The following JAM3 variants were observed in gnomAD, a reference collection of about 807,000 sequenced individuals.
JAM3 encodes the protein junctional adhesion molecule C.
A neutral mutation model predicts 39.4 loss-of-function variants in JAM3; 31 were observed. The ratio of observed to expected loss-of-function variants is 0.79; its 90% CI spans 0.59 to 1.06. The LOEUF is 1.06. JAM3 is among the 50% of genes least tolerant of loss of function. The pLI, the probability that JAM3 is intolerant of heterozygous loss-of-function variation, is 0.00. For synonymous variants in JAM3, 182 were observed against 148.7 expected, an observed-to-expected ratio of 1.22 and a Z score of -1.63; for missense variants, 455 against 391.4, an observed-to-expected ratio of 1.16 and a Z score of -1.37.
intron 1 of JAM3, among the ~76,000 whole-genome samples, chr11:134,103,751 T>C (rs1190257484): frequency 3.9e-5 from 6 of 151,996 alleles, no homozygotes; most frequent in Non-Finnish European, 7.4e-5. Context: ...CCAACAAAGA[T>C]GAAAAGAGAC....
chr11:134,096,551 C>T (rs983280477), intron 1 of JAM3, among the ~76,000 whole-genome samples: 11 of 152,212 alleles, frequency 7.2e-5, no homozygotes, highest in African/African-American at 2.2e-4. Flanking sequence ...AATCCAGGGG[C>T]CAGTTGTTTG....
At chr11:134,110,921 T>A (rs1363130398) in intron 1 of JAM3, among the ~76,000 whole-genome samples, 1 of 151,994 alleles carries the variant, frequency 6.6e-6, no homozygotes, top group East Asian at 1.9e-4. Flanking sequence ...TGTGAATGAG[T>A]GATCTGGTGA....
At chr11:134,124,029 G>C (rs879223377) in intron 1 of JAM3, 1 of 1,448,390 alleles carries the variant, frequency 6.9e-7, no homozygotes, top group Admixed American at 1.7e-5. Flanking sequence ...CGCAACACAA[G>C]GCACTGCAAC....
chr11:134,084,387 TAAA>T (rs1941713712), intron 1 of JAM3, among the ~76,000 whole-genome samples: 1 of 152,226 alleles, frequency 6.6e-6, no homozygotes, highest in Non-Finnish European at 1.5e-5. Flanking sequence ...TCCTTATCTA[TAAA>T]AGAGTAGTAA....
intron 1 of JAM3, among the ~76,000 whole-genome samples, chr11:134,096,678 G>C (rs1460331335): frequency 6.6e-6 from 1 of 152,142 alleles, no homozygotes; most frequent in Non-Finnish European, 1.5e-5. Context: ...CTGCAAGCAA[G>C]GAATGGTTTT....
At chr11:134,097,587 G>A (rs75040822) in intron 1 of JAM3, among the ~76,000 whole-genome samples, 1,553 of 152,132 alleles carry the variant, frequency 0.01, 21 homozygotes, top group African/African-American at 0.035. Context: ...GTCAGCTCTC[G>A]GTTTTTTTCT....
chr11:134,119,603 A>G (rs7946580), intron 1 of JAM3, among the ~76,000 whole-genome samples: 7,197 of 152,210 alleles, frequency 0.047, 640 homozygotes, highest in African/African-American at 0.16. Context: ...GACCCAGGAG[A>G]GTCGACGATG....
chr11:134,102,365 T>C, intron 1 of JAM3, among the ~76,000 whole-genome samples: 1 of 152,128 alleles, frequency 6.6e-6, no homozygotes, highest in Non-Finnish European at 1.5e-5. Flanking sequence ...CCCATCTGTA[T>C]GTCACCATCA....
At chr11:134,096,957 CAT>C (rs66753786) in intron 1 of JAM3, among the ~76,000 whole-genome samples, 11,801 of 152,166 alleles carry the variant, frequency 0.078, 595 homozygotes, top group Admixed American at 0.11. Context: ...ATTTTGCTAA[CAT>C]GTGGCACTTT....
intron 1 of JAM3, among the ~76,000 whole-genome samples, chr11:134,124,814 G>T (rs1276662519): frequency 1.3e-5 from 2 of 152,232 alleles, no homozygotes; most frequent in East Asian, 3.8e-4. Flanking sequence ...AAGCTTGTCA[G>T]CGAAAACGCT....
chr11:134,134,114 A>C (rs1057033733), intron 1 of JAM3, among the ~76,000 whole-genome samples: 3 of 152,168 alleles, frequency 2.0e-5, no homozygotes, highest in Admixed American at 2.0e-4. Context: ...AACTAGCAGA[A>C]ACGAAAAATG....
chr11:134,087,114 G>GA (rs1941757537), intron 1 of JAM3, among the ~76,000 whole-genome samples: 1 of 151,934 alleles, frequency 6.6e-6, no homozygotes, highest in South Asian at 2.1e-4. Flanking sequence ...CAAGATTTTA[G>GA]TATTGTCTTT....
At chr11:134,087,640 C>G (rs1020910609) in intron 1 of JAM3, among the ~76,000 whole-genome samples, 6 of 152,168 alleles carry the variant, frequency 3.9e-5, no homozygotes, top group African/African-American at 1.2e-4. Context: ...AAAGAACTGT[C>G]TTAGAGGCCA....
intron 1 of JAM3, among the ~76,000 whole-genome samples, chr11:134,135,492 C>T (rs114307509): frequency 0.01 from 1,553 of 151,736 alleles, 22 homozygotes; most frequent in African/African-American, 0.035. Flanking sequence ...ATTTTTTAAT[C>T]CTAAAATGTT....
intron 3 of JAM3, 57 bp from the exon 4 acceptor site, chr11:134,144,184 T>C: frequency 6.2e-7 from 1 of 1,602,554 alleles, no homozygotes; most frequent in Non-Finnish European, 8.5e-7. Flanking sequence ...ACCACCCTCT[T>C]CAAGTGGCAA....
At position 134,151,589 on chromosome 11, in the gene JAM3, C is replaced by T. The variant is rs755544461; in HGVS notation, c.*2408C>T. Reference sequence around the variant, plus strand: ...TGAGACTAGACGGAAAAGGAATACTCGTGTATTTTAAGATATGAATGTGAC... The same window carrying T: ...TGAGACTAGACGGAAAAGGAATACTTGTGTATTTTAAGATATGAATGTGAC... On this transcript the variant is annotated 3_prime_UTR_variant, in exon 9 of 9. Coordinates refer to ENST00000299106, the MANE Select transcript of JAM3 (RefSeq NM_032801.5). 4.6e-5 allele frequency: 7 copies of T among 152,124 alleles called. No homozygotes were observed. The highest frequency in any genetic ancestry group is 7.3e-5 in the Non-Finnish European group (5 of 68,050). The allele number at this position is 152,124 out of a possible 1,614,324, so 9.4% of individuals were successfully genotyped here.
In JAM3 at chr11:134,144,317, C is replaced by A. The variant is rs1217709795; in HGVS notation, c.333C>A (p.Ala111=). 1.9e-6 allele frequency: 3 copies of A among 1,614,124 alleles called. No homozygotes were observed. The highest frequency in any genetic ancestry group is 1.7e-6 in the Non-Finnish European group (2 of 1,180,002). The change falls in exon 4 of 9, where the codon GCC becomes GCA. Residue 111 remains alanine (A), a synonymous_variant. Coordinates refer to ENST00000299106, the MANE Select transcript of JAM3 (RefSeq NM_032801.5). Reference sequence around the variant, plus strand: ...GGAATGTGACACGGAGAGACTCAGCCCTTTATCGCTGTGAGGTCGTTGCTC... The same window carrying A: ...GGAATGTGACACGGAGAGACTCAGCACTTTATCGCTGTGAGGTCGTTGCTC... ...KIWNVTRRDS[A]LYRCEVVARN...
intron 1 of JAM3, among the ~76,000 whole-genome samples, chr11:134,110,327 A>G (rs1942285410): frequency 6.6e-6 from 1 of 152,236 alleles, no homozygotes; most frequent in South Asian, 2.1e-4. Context: ...AGAGAATGAA[A>G]TCATATGTTT....
At chr11:134,129,065 T>C (rs1407385504) in intron 1 of JAM3, among the ~76,000 whole-genome samples, 1 of 151,974 alleles carries the variant, frequency 6.6e-6, no homozygotes, top group Non-Finnish European at 1.5e-5. Context: ...GCCTTCTTGC[T>C]GTGTCCTCAT....
Sources: allele counts gnomAD v4.1 joint callset (sites outside exome capture counted in the v4.1 genomes callset), GRCh38; gene constraint gnomAD v4.1.1; transcripts MANE v1.5; gene names NCBI Gene and HGNC (gene_info 2026-07-23, HGNC 2026-07-21).